The following GALNTL6 variants were observed in gnomAD, a reference collection of about 807,000 sequenced individuals.
The protein encoded by GALNTL6 is polypeptide N-acetylgalactosaminyltransferase like 6.
A neutral mutation model predicts 73.7 loss-of-function variants in GALNTL6; 46 were observed. That is an observed-to-expected ratio of 0.62 (90% CI 0.49 to 0.80). The LOEUF is 0.80. GALNTL6 is among the 30% of genes least tolerant of loss of function. The pLI, the probability that GALNTL6 is intolerant of heterozygous loss-of-function variation, is 0.00. For missense variants in GALNTL6, 604 were observed against 755.0 expected (o/e 0.80, Z 2.34); for synonymous variants, 259 against 263.7 (o/e 0.98, Z 0.17).
intron 5 of GALNTL6, among the ~76,000 whole-genome samples, chr4:172,711,132 G>C (rs1005528494): frequency 1.2e-4 from 18 of 152,174 alleles, no homozygotes; most frequent in Admixed American, 7.2e-4. Context: ...TATGCGGTAG[G>C]AGGAATGTGA....
chr4:172,365,555 A>G (rs764674012), intron 5 of GALNTL6, among the ~76,000 whole-genome samples: 4 of 152,130 alleles, frequency 2.6e-5, no homozygotes, highest in Non-Finnish European at 4.4e-5. Context: ...ATAGATGAAA[A>G]TAAACTTTCT....
At chr4:172,869,517 C>T (rs368421081) in intron 7 of GALNTL6, among the ~76,000 whole-genome samples, 6 of 152,108 alleles carry the variant, frequency 3.9e-5, no homozygotes, top group East Asian at 3.9e-4. Flanking sequence ...GATTTCTCCA[C>T]GAGAAAAGCG....
intron 2 of GALNTL6, among the ~76,000 whole-genome samples, chr4:171,849,024 G>T (rs1378443677): frequency 1.3e-5 from 2 of 151,898 alleles, no homozygotes; most frequent in African/African-American, 2.4e-5. Flanking sequence ...TGTGACCATC[G>T]CCTGAATAGT....
chr4:172,524,394 A>T (rs986650824), intron 5 of GALNTL6, among the ~76,000 whole-genome samples: 1 of 152,008 alleles, frequency 6.6e-6, no homozygotes, highest in South Asian at 2.1e-4. Flanking sequence ...GATTACAGGT[A>T]TGCGCCACCA....
chr4:171,891,150 T>C (rs1736748954), intron 2 of GALNTL6, among the ~76,000 whole-genome samples: 1 of 152,194 alleles, frequency 6.6e-6, no homozygotes, highest in Non-Finnish European at 1.5e-5. Context: ...TGGTCAAAGA[T>C]TCATGATTCC....
chr4:172,224,486 A>G (rs1340964902), intron 2 of GALNTL6, among the ~76,000 whole-genome samples: 4 of 152,232 alleles, frequency 2.6e-5, no homozygotes, highest in Non-Finnish European at 4.4e-5. Flanking sequence ...GAATACAGAT[A>G]ATCTTTTCTT....
chr4:172,801,417 A>G (rs1195880628), intron 5 of GALNTL6, among the ~76,000 whole-genome samples: 1 of 152,160 alleles, frequency 6.6e-6, no homozygotes, highest in Non-Finnish European at 1.5e-5. Context: ...TACCTCTTAC[A>G]CATTGTCTTT....
At chr4:172,661,918 G>A (rs999908321) in intron 5 of GALNTL6, among the ~76,000 whole-genome samples, 1 of 152,174 alleles carries the variant, frequency 6.6e-6, no homozygotes, top group Admixed American at 6.5e-5. Context: ...TGAGGGAAAA[G>A]TGGATCATGC....
intron 2 of GALNTL6, among the ~76,000 whole-genome samples, chr4:172,079,875 A>G (rs577875321): frequency 2.0e-5 from 3 of 152,106 alleles, no homozygotes; most frequent in Non-Finnish European, 4.4e-5. Flanking sequence ...CTTTTTAAAA[A>G]AAATTTGATT....
intron 5 of GALNTL6, among the ~76,000 whole-genome samples, chr4:172,536,502 T>C (rs1373891445): frequency 6.6e-6 from 1 of 151,992 alleles, no homozygotes; most frequent in Non-Finnish European, 1.5e-5. Flanking sequence ...TTTTGGGAAG[T>C]GGAATAAAGG....
chr4:172,519,915 TA>T lies in GALNTL6; in HGVS notation c.553+171235del, dbSNP rs796707821. Among the ~76,000 whole-genome samples, 1,002 of 150,332 alleles carry T rather than the reference TA, an allele frequency of 6.7e-3. 16 individuals are homozygous for T. The highest frequency in any genetic ancestry group is 0.023 in the African/African-American group (932 of 41,140). ...GTCCTCCTAAATTATGATGCTATCA[TA>T]AAAAAAAATAGGGCAAGACTTCTCC... On this transcript the variant is annotated intron_variant, in intron 5 of 12. Transcript: ENST00000506823.
In GALNTL6 at chr4:172,243,981, A is replaced by G. The variant is rs1234902616; in HGVS notation, c.247+14217A>G. Among the ~76,000 whole-genome samples, 6 of 152,236 alleles carry G rather than the reference A, an allele frequency of 3.9e-5. No homozygotes were observed. The Middle Eastern group carries it at 0.017, about 432-fold the overall frequency. On this transcript the variant is annotated intron_variant, in intron 3 of 12. Coordinates refer to ENST00000506823, the MANE Select transcript of GALNTL6 (RefSeq NM_001034845.3). ...TTGAAGCCTCATGTCTCTTAAAAAT[A>G]TTATCTGGCACCCTTTTTATTACTA...
intron 5 of GALNTL6, among the ~76,000 whole-genome samples, chr4:172,403,959 C>G (rs922981020): frequency 5.9e-5 from 9 of 151,958 alleles, no homozygotes; most frequent in Non-Finnish European, 8.8e-5. Flanking sequence ...ACCCAAAACT[C>G]ATTACTCCAT....
intron 2 of GALNTL6, among the ~76,000 whole-genome samples, chr4:171,992,672 G>T (rs1740374635): frequency 6.6e-6 from 1 of 152,000 alleles, no homozygotes; most frequent in African/African-American, 2.4e-5. Context: ...ATAAAATCTT[G>T]CAGTAAACAA....
intron 8 of GALNTL6, among the ~76,000 whole-genome samples, chr4:172,911,464 AC>A (rs1309165706): frequency 6.6e-6 from 1 of 152,200 alleles, no homozygotes; most frequent in East Asian, 1.9e-4. Flanking sequence ...CTAAAATGTG[AC>A]AGAAGCCTTT....
chr4:171,916,524 A>C (rs967820150), intron 2 of GALNTL6, among the ~76,000 whole-genome samples: 3 of 152,160 alleles, frequency 2.0e-5, no homozygotes, highest in Non-Finnish European at 4.4e-5. Context: ...GCGTTCAGAC[A>C]TAAGTCTGAC....
intron 2 of GALNTL6, among the ~76,000 whole-genome samples, chr4:171,999,119 C>T (rs1740591042): frequency 6.6e-6 from 1 of 152,118 alleles, no homozygotes; most frequent in Admixed American, 6.6e-5. Flanking sequence ...AATCCCATGT[C>T]CCTCAATAAG....
chr4:172,936,698 C>A (rs1748637931), intron 9 of GALNTL6, among the ~76,000 whole-genome samples: 1 of 152,136 alleles, frequency 6.6e-6, no homozygotes, highest in African/African-American at 2.4e-5. Context: ...CCCAGGAATA[C>A]AACTTACAGG....
At chr4:172,282,696 A>C (rs1739104835) in intron 3 of GALNTL6, among the ~76,000 whole-genome samples, 1 of 150,478 alleles carries the variant, frequency 6.6e-6, no homozygotes, top group Admixed American at 6.6e-5. Context: ...ATGACTAGTT[A>C]GTAGGATTAT....
Sources: gnomAD v4.1 joint callset for allele counts (sites outside exome capture counted in the v4.1 genomes callset) on GRCh38, gnomAD v4.1.1 for gene constraint, MANE v1.5 for transcripts, NCBI Gene and HGNC (gene_info 2026-07-23, HGNC 2026-07-21) for gene names.